Variants in IQCM observed in about 807,000 individuals in gnomAD.
The protein encoded by IQCM is IQ domain-containing protein M.
A neutral mutation model predicts 57.6 loss-of-function variants in IQCM; 45 were observed. The ratio of observed to expected loss-of-function variants is 0.78; its 90% CI spans 0.62 to 1.00. The LOEUF (loss-of-function observed/expected upper bound fraction) is 1.00. Among genes scored for constraint, IQCM ranks in the 50% least tolerant of loss-of-function variants. The pLI is 0.00. For synonymous variants in IQCM, 148 were observed against 158.9 expected (o/e 0.93, Z 0.51); for missense variants, 468 against 511.6 (o/e 0.91, Z 0.82).
intron 12 of IQCM, among the ~76,000 whole-genome samples, chr4:149,497,547 A>T (rs1200107358): frequency 6.6e-6 from 1 of 151,974 alleles, no homozygotes; most frequent in Non-Finnish European, 1.5e-5. Context: ...AAACCATCAG[A>T]TCTCATAAAA....
intron 7 of IQCM, among the ~76,000 whole-genome samples, chr4:149,622,971 A>T (rs1258764896): frequency 6.6e-6 from 1 of 152,218 alleles, no homozygotes. Flanking sequence ...TTTCTGATTC[A>T]TTAGCAATGC....
intron 7 of IQCM, among the ~76,000 whole-genome samples, chr4:149,642,627 A>G (rs1170467711): frequency 1.3e-5 from 2 of 152,190 alleles, no homozygotes; most frequent in Admixed American, 6.5e-5. Flanking sequence ...AAGCTCAGCC[A>G]TCCAAAGACA....
rs114532437 is a variant in IQCM at position 149,657,180 on chromosome 4, C to A, written c.565+24938G>T. Reference sequence around the variant, plus strand: ...CCATCCTCCTCCACCTCCCGCCTACCCAATTTCTAGTAACCACTGTTCTAC... The same window carrying A: ...CCATCCTCCTCCACCTCCCGCCTACACAATTTCTAGTAACCACTGTTCTAC... On this transcript the variant is annotated intron_variant, in intron 7 of 13. Transcript: ENST00000636793. 1.9e-3 allele frequency among the ~76,000 whole-genome samples: 283 copies of A among 152,208 alleles called. 1 individual carries two copies. Among genetic ancestry groups the A allele is most frequent in the Non-Finnish European group, 3.4e-3 (229 of 68,002 alleles).
chr4:149,544,705 C>A (rs1302541241), intron 12 of IQCM, among the ~76,000 whole-genome samples: 1 of 152,028 alleles, frequency 6.6e-6, no homozygotes, highest in Non-Finnish European at 1.5e-5. Context: ...ACAAATAGAC[C>A]AATGGAATAG....
intron 7 of IQCM, among the ~76,000 whole-genome samples, chr4:149,662,067 T>C (rs1760270531): frequency 6.6e-6 from 1 of 152,082 alleles, no homozygotes; most frequent in South Asian, 2.1e-4. Flanking sequence ...CTTTTTGATG[T>C]AGGCATTTAT....
At chr4:149,765,294 A>T (rs1380730544) in intron 2 of IQCM, among the ~76,000 whole-genome samples, 1 of 152,168 alleles carries the variant, frequency 6.6e-6, no homozygotes, top group East Asian at 1.9e-4. Flanking sequence ...AGTATGAGAC[A>T]GACATTGGCC....
chr4:149,555,900 G>C (rs1425170851), intron 10 of IQCM, among the ~76,000 whole-genome samples: 1 of 152,140 alleles, frequency 6.6e-6, no homozygotes, highest in Admixed American at 6.5e-5. Context: ...TTCTAAGGGA[G>C]CCCTTTTCAG....
chr4:149,667,462 T>C (rs945718233), intron 7 of IQCM, among the ~76,000 whole-genome samples: 5 of 151,980 alleles, frequency 3.3e-5, no homozygotes, highest in Admixed American at 6.6e-5. Context: ...GATAAATCCA[T>C]GAAGATGAGA....
intron 2 of IQCM, among the ~76,000 whole-genome samples, chr4:149,778,905 T>C (rs756728239): frequency 2.0e-5 from 3 of 152,162 alleles, no homozygotes; most frequent in African/African-American, 7.2e-5. Context: ...CTGTAAATAC[T>C]ACCACATTAT....
intron 8 of IQCM, among the ~76,000 whole-genome samples, chr4:149,601,751 C>T (rs746884197): frequency 3.3e-5 from 5 of 152,082 alleles, no homozygotes; most frequent in Middle Eastern, 3.2e-3. Context: ...ATTCAACCAA[C>T]ATTGGATTAG....
At chr4:149,548,383 A>G (rs1051962313) in intron 12 of IQCM, 72 bp downstream of exon 12, 3 of 1,164,070 alleles carry the variant, frequency 2.6e-6, no homozygotes, top group Non-Finnish European at 3.2e-6. Flanking sequence ...ACAACTAAGG[A>G]AAGTTGGGAA....
At chr4:149,674,591 T>C (rs916859531) in intron 7 of IQCM, among the ~76,000 whole-genome samples, 1 of 152,006 alleles carries the variant, frequency 6.6e-6, no homozygotes, top group African/African-American at 2.4e-5. Flanking sequence ...GGGCGAAGCA[T>C]GAAAAGAGTG....
chr4:149,620,537 C>T (rs912821695), intron 8 of IQCM, among the ~76,000 whole-genome samples: 1 of 152,180 alleles, frequency 6.6e-6, no homozygotes. Context: ...CATTACGTGG[C>T]CTTTTAAGAA....
rs535113534 is a variant in IQCM, at chr4:149,624,381, C to T, written c.566-3137G>A. On this transcript the variant is annotated intron_variant, in intron 7 of 13. Transcript: ENST00000636793. ...CCCTCACTTTCTAGCATCATCTTGACGTTTATAATGGTAATCATTTTTCAA... is the reference window on the plus strand; with the variant it reads ...CCCTCACTTTCTAGCATCATCTTGATGTTTATAATGGTAATCATTTTTCAA... Among the ~76,000 whole-genome samples the T allele has an allele frequency of 5.7e-4, 86 of 152,122 alleles. 1 individual carries two copies. The South Asian group carries it at 0.015, about 27-fold the overall frequency.
At chr4:149,523,664 A>T (rs1432772070) in intron 12 of IQCM, among the ~76,000 whole-genome samples, 1 of 152,130 alleles carries the variant, frequency 6.6e-6, no homozygotes, top group Non-Finnish European at 1.5e-5. Context: ...ATCAATATTT[A>T]TAGGTAGATG....
chr4:149,741,997 T>C (rs1767501008), intron 3 of IQCM, among the ~76,000 whole-genome samples: 3 of 152,136 alleles, frequency 2.0e-5, no homozygotes, highest in African/African-American at 7.2e-5. Flanking sequence ...ACTGAATATG[T>C]AATTTACATG....
At chr4:149,745,637 A>G (rs1204966035) in intron 2 of IQCM, among the ~76,000 whole-genome samples, 6 of 152,106 alleles carry the variant, frequency 3.9e-5, no homozygotes, top group Non-Finnish European at 5.9e-5. Context: ...CTATTTCCCT[A>G]CCTTATCTTC....
chr4:149,761,973 C>T (rs946450436), intron 2 of IQCM, among the ~76,000 whole-genome samples: 1 of 151,844 alleles, frequency 6.6e-6, no homozygotes, highest in Admixed American at 6.6e-5. Context: ...AAATTAAGGT[C>T]TTTAGAAATT....
At chr4:149,645,163 G>C (rs1758529839) in intron 7 of IQCM, among the ~76,000 whole-genome samples, 1 of 152,106 alleles carries the variant, frequency 6.6e-6, no homozygotes. Flanking sequence ...TTAGTTTCCA[G>C]AAATGTCTTA....
Sources: allele counts gnomAD v4.1 joint callset (sites outside exome capture counted in the v4.1 genomes callset), GRCh38; gene constraint gnomAD v4.1.1; transcripts MANE v1.5; gene names NCBI Gene and HGNC (gene_info 2026-07-23, HGNC 2026-07-21).